The following BCL2L11 variants were observed in gnomAD, a reference collection of about 807,000 sequenced individuals.
BCL2L11 encodes the protein BCL2 like 11, also known as bcl-2-like protein 11.
Under a neutral mutation model 20.6 loss-of-function variants are expected in BCL2L11, and 15 were observed. The observed-to-expected ratio is 0.73, with a 90% confidence interval of 0.49 to 1.12. The LOEUF (loss-of-function observed/expected upper bound fraction) is 1.12, where lower values mean the gene tolerates loss of function less well. Among genes scored for constraint, BCL2L11 ranks in the 50% most tolerant of loss-of-function variants. BCL2L11 has a pLI of 0.00. For missense variants in BCL2L11, 292 were observed against 260.9 expected (o/e 1.12, Z -0.82); for synonymous variants, 108 against 92.8 (o/e 1.16, Z -0.94).
Position 111,168,038 on chromosome 2 carries a change from G to A in BCL2L11, c.*3807G>A, listed in dbSNP as rs1354437112. 6.5e-6 allele frequency: 1 copy of A among 152,722 alleles called. No individual in the cohort carries two copies. Among genetic ancestry groups the A allele is most frequent in the East Asian group, 1.9e-4 (1 of 5,202 alleles). 9.5% of individuals were successfully genotyped at this position (152,722 alleles called of 1,614,324 possible). On this transcript the variant is annotated 3_prime_UTR_variant, in exon 4 of 4. Coordinates refer to ENST00000393256, the MANE Select transcript of BCL2L11 (RefSeq NM_138621.5). ...GGGTGGGGGAAACGTGTCTACAGAT[G>A]ACGCTAAATCAGTTGGGGTCTACTC...
At position 111,138,301 on chromosome 2, in the gene BCL2L11, C is replaced by T. The variant is rs547096380; in HGVS notation, c.395-11743C>T. ...TGAGATTACAGGCGTTGAGCCACTG[C>T]TCCTGGCCACAGGTGGTCTTTTCTG... On this transcript the variant is annotated intron_variant, in intron 2 of 3. Transcript: ENST00000393256. Among the ~76,000 whole-genome samples the T allele has an allele frequency of 8.6e-4, 131 of 152,318 alleles. 1 individual carries two copies. Among genetic ancestry groups the T allele is most frequent in the African/African-American group, 2.6e-3 (109 of 41,568 alleles).
In BCL2L11 at chr2:111,153,479, T is replaced by G. The variant is rs2077480856; in HGVS notation, c.498+3332T>G. 2.0e-5 allele frequency among the ~76,000 whole-genome samples: 3 copies of G among 152,114 alleles called. No homozygotes were observed. In the South Asian group the frequency reaches 6.2e-4, roughly 32 times the overall value. ...TTGATACTTGTTAGATTAAAAACAGTCCATTGTCTGGAATCACACTTAATG... is the reference window on the plus strand; with the variant it reads ...TTGATACTTGTTAGATTAAAAACAGGCCATTGTCTGGAATCACACTTAATG... On this transcript the variant is annotated intron_variant, in intron 3 of 3. Coordinates refer to ENST00000393256, the MANE Select transcript of BCL2L11 (RefSeq NM_138621.5).
At chr2:111,146,031 G>A (rs1392162234) in intron 2 of BCL2L11, 1 of 983,344 alleles carries the variant, frequency 1.0e-6, no homozygotes, top group Non-Finnish European at 1.2e-6. Flanking sequence ...TTTTGCTGCA[G>A]ATTACAGCTT....
chr2:111,161,600 G>C, intron 3 of BCL2L11: 1 of 1,497,154 alleles, frequency 6.7e-7, no homozygotes, highest in South Asian at 1.3e-5. Context: ...CACTCACACT[G>C]CAAATGACAG....
chr2:111,122,696 C>G (rs1433687184), intron 1 of BCL2L11: 2 of 981,904 alleles, frequency 2.0e-6, no homozygotes, highest in Non-Finnish European at 2.4e-6. Context: ...GGGCCAGAGG[C>G]GCGGCGTGCG....
chr2:111,159,413 A>T (rs371453304), intron 3 of BCL2L11, among the ~76,000 whole-genome samples: 1 of 152,210 alleles, frequency 6.6e-6, no homozygotes, highest in Admixed American at 6.5e-5. Flanking sequence ...AGTGGTGGCC[A>T]TGGCAATTCT....
intron 2 of BCL2L11, among the ~76,000 whole-genome samples, chr2:111,144,291 G>T (rs1463854138): frequency 6.6e-6 from 1 of 152,158 alleles, no homozygotes; most frequent in East Asian, 1.9e-4. Flanking sequence ...TCATCCAGTG[G>T]CTCAGCGGAA....
At chr2:111,140,326 A>G (rs996412199) in intron 2 of BCL2L11, among the ~76,000 whole-genome samples, 1 of 152,180 alleles carries the variant, frequency 6.6e-6, no homozygotes, top group Non-Finnish European at 1.5e-5. Flanking sequence ...CAATATAAGG[A>G]TTTCAGCTAT....
At chr2:111,135,137 C>T (rs969993970) in intron 2 of BCL2L11, among the ~76,000 whole-genome samples, 23 of 152,032 alleles carry the variant, frequency 1.5e-4, no homozygotes, top group Admixed American at 1.1e-3. Context: ...AATGTTAGTG[C>T]TTTTGTTAGT....
intron 3 of BCL2L11, 184 bp downstream of exon 3, chr2:111,150,331 C>G (rs2077098595): frequency 8.0e-7 from 1 of 1,256,760 alleles, no homozygotes; most frequent in African/African-American, 1.5e-5. Flanking sequence ...TAAGTAATGG[C>G]ACTTAAATAA....
chr2:111,122,551 A>C, intron 1 of BCL2L11: 586 of 851,056 alleles, frequency 6.9e-4, no homozygotes, highest in Non-Finnish European at 7.5e-4. Context: ...CCGCGCGCGG[A>C]CCAATTGGGA....
chr2:111,125,304 T>A (rs1344409844), intron 2 of BCL2L11, among the ~76,000 whole-genome samples: 5 of 152,240 alleles, frequency 3.3e-5, no homozygotes, highest in African/African-American at 7.2e-5. Context: ...GGGTACATAC[T>A]TTGGGTAACC....
intron 2 of BCL2L11, chr2:111,142,222 C>A: frequency 2.8e-6 from 3 of 1,076,190 alleles, no homozygotes; most frequent in Non-Finnish European, 4.2e-6. Flanking sequence ...GAAGACTCTA[C>A]CTCCTGTTCT....
intron 3 of BCL2L11, among the ~76,000 whole-genome samples, chr2:111,158,755 T>C (rs747095119): frequency 6.6e-6 from 1 of 152,204 alleles, no homozygotes; most frequent in Non-Finnish European, 1.5e-5. Context: ...AATTGTCGTT[T>C]TTCCCTCGTT....
chr2:111,123,840 C>T lies in BCL2L11; in HGVS notation c.95C>T (p.Ala32Val), dbSNP rs1340037091. 1.3e-6 allele frequency: 2 copies of T among 1,560,260 alleles called. No homozygotes were observed. The highest frequency in any genetic ancestry group is 1.2e-5 in the South Asian group (1 of 81,896). The change falls in exon 2 of 4, where the codon GCC becomes GTC. Residue 32 changes from alanine to valine, a missense_variant. Ala to Val is a moderately conservative substitution (Grantham distance 64). Transcript: ENST00000393256. ...AERPPQLRPGAPTSLQTEPQG... is the reference protein window; with the variant it reads ...AERPPQLRPGVPTSLQTEPQG... Reference sequence around the variant, plus strand: ...AGGCCTCCCCAGCTCAGACCTGGGGCCCCTACCTCCCTACAGACAGAGCCA... The same window carrying T: ...AGGCCTCCCCAGCTCAGACCTGGGGTCCCTACCTCCCTACAGACAGAGCCA...
rs756739791 is a variant in BCL2L11, at chr2:111,166,976, T to TA, written c.*2752dup. 11 of 152,610 alleles carry TA rather than the reference T, an allele frequency of 7.2e-5. No homozygotes were observed. The highest frequency in any genetic ancestry group is 1.9e-4 in the African/African-American group (8 of 41,436). The allele number at this position is 152,610 out of a possible 1,614,324, so 9.5% of individuals were successfully genotyped here. On this transcript the variant is annotated 3_prime_UTR_variant, in exon 4 of 4. Transcript: ENST00000393256. ...TAAAATTTTGTACAGCATAAATAAG[T>TA]AAAAAAATCACTGTTTTTCTCAACT...
chr2:111,123,181 G>A (rs1199677978), intron 1 of BCL2L11: 2 of 985,472 alleles, frequency 2.0e-6, no homozygotes, highest in Non-Finnish European at 2.4e-6. Flanking sequence ...CCAGAGCCGG[G>A]CCGAGCCGCG....
At chr2:111,127,114 T>G (rs184925460) in intron 2 of BCL2L11, among the ~76,000 whole-genome samples, 2 of 152,326 alleles carry the variant, frequency 1.3e-5, no homozygotes, top group Admixed American at 1.3e-4. Flanking sequence ...TTTAGTCTCC[T>G]TACACTCTGG....
At chr2:111,157,132 G>A (rs766043160) in intron 3 of BCL2L11, among the ~76,000 whole-genome samples, 1 of 152,212 alleles carries the variant, frequency 6.6e-6, no homozygotes, top group Non-Finnish European at 1.5e-5. Context: ...GTGCTCATCT[G>A]TTTGGCAGGT....
Sources: allele counts gnomAD v4.1 joint callset (sites outside exome capture counted in the v4.1 genomes callset), GRCh38; gene constraint gnomAD v4.1.1; transcripts MANE v1.5; gene names NCBI Gene and HGNC (gene_info 2026-07-23, HGNC 2026-07-21).